Variants in RETREG1 observed in about 807,000 individuals in gnomAD.
The protein encoded by RETREG1 is reticulophagy regulator 1.
RETREG1 carries 44 observed loss-of-function variants against 54.8 expected under a neutral mutation model. The observed-to-expected ratio is 0.80, with a 90% CI of 0.63 to 1.03. The LOEUF is 1.03. RETREG1 is among the 50% of genes least tolerant of loss of function. The pLI is 0.00. For missense variants in RETREG1, 554 were observed against 605.1 expected (o/e 0.92, Z 0.89); for synonymous variants, 217 against 238.5 (o/e 0.91, Z 0.83).
intron 1 of RETREG1, among the ~76,000 whole-genome samples, chr5:16,607,807 C>T (rs1256254224): frequency 1.3e-5 from 2 of 151,904 alleles, no homozygotes; most frequent in African/African-American, 2.4e-5. Context: ...TGCAGCCTCA[C>T]CTCTGGGTAT....
At chr5:16,539,204 G>T (rs1160931150) in intron 3 of RETREG1, among the ~76,000 whole-genome samples, 1 of 152,210 alleles carries the variant, frequency 6.6e-6, no homozygotes, top group Non-Finnish European at 1.5e-5. Flanking sequence ...GGCCACCCGA[G>T]GGAGGAAGAA....
chr5:16,500,206 C>T (rs1008993876), intron 3 of RETREG1, among the ~76,000 whole-genome samples: 4 of 152,198 alleles, frequency 2.6e-5, no homozygotes, highest in Non-Finnish European at 4.4e-5. Flanking sequence ...ACAGCTGGAA[C>T]ATTCCCTACA....
chr5:16,561,022 C>A lies in RETREG1; in HGVS notation c.458+4741G>T, dbSNP rs1056779812. On this transcript the variant is annotated intron_variant, in intron 3 of 8. Coordinates refer to ENST00000306320, the MANE Select transcript of RETREG1 (RefSeq NM_001034850.3). The surrounding 1 kb of genome is among the most constrained non-coding windows in gnomAD (Gnocchi z 4.2). ...TCACATTGCACCATCATACACTTCT[C>A]AGGCTGTATGGGGTACTTGCAACAG... 4.6e-5 allele frequency among the ~76,000 whole-genome samples: 7 copies of A among 152,166 alleles called. No homozygotes were observed. The highest frequency in any genetic ancestry group is 1.3e-4 in the Admixed American group (2 of 15,280).
chr5:16,573,361 T>C lies in RETREG1; in HGVS notation c.321-1259A>G, dbSNP rs538400503. Among the ~76,000 whole-genome samples the C allele has an allele frequency of 1.0e-3, 155 of 152,244 alleles. 3 individuals carry two copies. The South Asian group carries it at 0.031, about 31-fold the overall frequency. Reference sequence around the variant, plus strand: ...CCTGCAGTGCTTTTTTTGGGTGTGTTTGTAAAGAAATCACAAAGAGCGTTG... The same window carrying C: ...CCTGCAGTGCTTTTTTTGGGTGTGTCTGTAAAGAAATCACAAAGAGCGTTG... On this transcript the variant is annotated intron_variant, in intron 1 of 8. Transcript: ENST00000306320.
At chr5:16,600,668 C>T (rs1743029019) in intron 1 of RETREG1, among the ~76,000 whole-genome samples, 1 of 152,174 alleles carries the variant, frequency 6.6e-6, no homozygotes, top group Non-Finnish European at 1.5e-5. Flanking sequence ...CAGCCCAGCA[C>T]ACTGCGCTCA....
At chr5:16,514,561 G>C (rs936770872) in intron 3 of RETREG1, among the ~76,000 whole-genome samples, 2 of 151,664 alleles carry the variant, frequency 1.3e-5, no homozygotes, top group East Asian at 3.9e-4. Context: ...TAGTTTTTAG[G>C]GAACAAGTGG....
At chr5:16,613,754 CT>C (rs1468553471) in intron 1 of RETREG1, among the ~76,000 whole-genome samples, 10 of 152,242 alleles carry the variant, frequency 6.6e-5, no homozygotes, top group Admixed American at 2.0e-4. Context: ...TAAAATTGAT[CT>C]TTTTTTCTCA....
chr5:16,530,843 C>T (rs1740894145), intron 3 of RETREG1, among the ~76,000 whole-genome samples: 1 of 149,274 alleles, frequency 6.7e-6, no homozygotes, highest in East Asian at 2.0e-4. Context: ...GCCTGGGAGA[C>T]AAAGCAAGAC....
At chr5:16,514,743 T>C (rs939087949) in intron 3 of RETREG1, among the ~76,000 whole-genome samples, 3 of 151,842 alleles carry the variant, frequency 2.0e-5, no homozygotes, top group African/African-American at 7.3e-5. Context: ...CTCTGCGTCC[T>C]CATAGCTTAG....
At chr5:16,615,736 GCTGT>G (rs1263129873) in intron 1 of RETREG1, among the ~76,000 whole-genome samples, 6 of 152,250 alleles carry the variant, frequency 3.9e-5, no homozygotes, top group African/African-American at 7.2e-5. Context: ...AAAATGACAG[GCTGT>G]CTATTTTGTG....
chr5:16,572,730 A>T (rs1282598275), intron 1 of RETREG1, among the ~76,000 whole-genome samples: 1 of 152,138 alleles, frequency 6.6e-6, no homozygotes, highest in Non-Finnish European at 1.5e-5. Flanking sequence ...AATGGAAGTG[A>T]CCTGAAACAG....
At chr5:16,537,979 G>C (rs901168995) in intron 3 of RETREG1, among the ~76,000 whole-genome samples, 2 of 152,094 alleles carry the variant, frequency 1.3e-5, no homozygotes, top group African/African-American at 4.8e-5. Context: ...TTTTAGAGGC[G>C]GAAGGAACTT....
At chr5:16,580,733 G>A (rs1426999239) in intron 1 of RETREG1, among the ~76,000 whole-genome samples, 3 of 152,204 alleles carry the variant, frequency 2.0e-5, no homozygotes, top group African/African-American at 7.2e-5. Flanking sequence ...CAGGGCGATC[G>A]AGTACAGACT....
chr5:16,513,135 G>T (rs906119540), intron 3 of RETREG1, among the ~76,000 whole-genome samples: 6 of 152,300 alleles, frequency 3.9e-5, no homozygotes, highest in Admixed American at 6.5e-5. Flanking sequence ...GGCCTCAGGT[G>T]TCTGACTGGG....
chr5:16,488,822 C>T (rs1419626596), intron 3 of RETREG1, among the ~76,000 whole-genome samples: 2 of 151,974 alleles, frequency 1.3e-5, no homozygotes, highest in African/African-American at 2.4e-5. Context: ...TGGTGGCTCA[C>T]GCCTATAATC....
intron 1 of RETREG1, among the ~76,000 whole-genome samples, chr5:16,577,938 C>CT (rs1742376991): frequency 6.6e-6 from 1 of 152,210 alleles, no homozygotes; most frequent in Admixed American, 6.5e-5. Context: ...CATGAAGCCT[C>CT]TTTTTCTTTA....
intron 3 of RETREG1, among the ~76,000 whole-genome samples, chr5:16,493,870 G>A (rs543564404): frequency 3.3e-5 from 5 of 152,290 alleles, no homozygotes; most frequent in Non-Finnish European, 5.9e-5. Context: ...GAATTCTCAA[G>A]TTTCTCCAAA....
Position 16,616,938 on chromosome 5 carries a change from C to A in RETREG1, c.34G>T (p.Glu12Ter). ...TCGGCGGCAGGAGCCGGGCATCCCT[C>A]CTCGGCGTGCTCCGGAGGCGCCGGG... ...ASPAPPEHAE[E>*]GCPAPAAEEQ... Residue 12 changes from glutamate to a stop codon, truncating the protein, a stop_gained, in exon 1 of 9, where the codon GAG (glutamate) becomes TAG (stop). Transcript: ENST00000306320. LOFTEE classifies it high-confidence loss of function. The A allele has an allele frequency of 3.4e-6, 5 of 1,463,358 alleles. No homozygotes were observed. Among genetic ancestry groups the A allele is most frequent in the Non-Finnish European group, 4.5e-6 (5 of 1,113,376 alleles). The allele number at this position is 1,463,358 out of a possible 1,614,324, so 90.6% of individuals were successfully genotyped here. A position where few individuals can be genotyped will look rare whatever the true frequency, so the allele number is the denominator to read the frequency against.
intron 3 of RETREG1, among the ~76,000 whole-genome samples, chr5:16,555,491 T>C (rs1195551702): frequency 1.3e-5 from 2 of 152,176 alleles, no homozygotes; most frequent in Non-Finnish European, 2.9e-5. Context: ...GCTGAGAAGA[T>C]GGTCTGACAA....
Sources: allele counts gnomAD v4.1 joint callset (sites outside exome capture counted in the v4.1 genomes callset), GRCh38; gene constraint gnomAD v4.1.1; non-coding constraint Gnocchi (gnomAD v3.1); transcripts MANE v1.5; gene names NCBI Gene and HGNC (gene_info 2026-07-23, HGNC 2026-07-21).